LMO7: variants seen among roughly 807,000 people sequenced by gnomAD.
LMO7 encodes LIM domain only protein 7.
In LMO7, 120 loss-of-function variants were observed where a neutral mutation model predicts 206.5. The observed-to-expected ratio is 0.58, with a 90% CI of 0.50 to 0.68. The LOEUF (loss-of-function observed/expected upper bound fraction) is 0.68, where lower values mean the gene tolerates loss of function less well. Among genes scored for constraint, LMO7 ranks in the 30% least tolerant of loss-of-function variants. The pLI is 0.00. For missense variants in LMO7, 1,959 were observed against 1,957.9 expected (o/e 1.00, Z -0.01); for synonymous variants, 706 against 681.5 (o/e 1.04, Z -0.56).
At chr13:75,654,934 C>T (rs1395323815) in intron 1 of LMO7, among the ~76,000 whole-genome samples, 1 of 148,168 alleles carries the variant, frequency 6.7e-6, no homozygotes, top group East Asian at 2.0e-4. Flanking sequence ...TGCAGTGGTA[C>T]GATCTCGGCT....
At position 75,787,784 on chromosome 13, in the gene LMO7, T is replaced by G. The variant is rs146430332; in HGVS notation, c.318-7617T>G. 2.4e-3 allele frequency among the ~76,000 whole-genome samples: 370 copies of G among 152,346 alleles called. 3 individuals are homozygous for G. The highest frequency in any genetic ancestry group is 7.7e-3 in the African/African-American group (319 of 41,582). ...GGAGGTTGTCAAATGGAATGCAGCTTCATTTTTAGGAATGAAGGTGGGAGG... is the reference window on the plus strand; with the variant it reads ...GGAGGTTGTCAAATGGAATGCAGCTGCATTTTTAGGAATGAAGGTGGGAGG... On this transcript the variant is annotated intron_variant, in intron 4 of 30. Coordinates refer to ENST00000377534, the MANE Select transcript of LMO7 (RefSeq NM_001306080.2).
chr13:75,845,402 A>G, intron 26 of LMO7, 23 bp downstream of exon 26: 6 of 1,485,904 alleles, frequency 4.0e-6, no homozygotes, highest in Non-Finnish European at 4.7e-6. Context: ...TTTTCCCCCA[A>G]ACTCCTTCAG....
At chr13:75,750,581 G>GAC (rs2047198416) in intron 3 of LMO7, among the ~76,000 whole-genome samples, 1 of 151,952 alleles carries the variant, frequency 6.6e-6, no homozygotes, top group Non-Finnish European at 1.5e-5. Flanking sequence ...TTGGTAGAGA[G>GAC]ACAGGGTCTG....
intron 15 of LMO7, among the ~76,000 whole-genome samples, chr13:75,827,015 G>A (rs1035923065): frequency 9.9e-5 from 15 of 151,962 alleles, no homozygotes; most frequent in East Asian, 7.7e-4. Context: ...GGACCCCTTC[G>A]TTCATGAATC....
intron 2 of LMO7, among the ~76,000 whole-genome samples, chr13:75,714,365 C>T (rs1023608663): frequency 9.2e-5 from 14 of 152,196 alleles, no homozygotes; most frequent in East Asian, 5.8e-4. Flanking sequence ...TTTTTATAAA[C>T]GATCAAACTT....
rs1555286938 is a variant in LMO7, at chr13:75,647,951, C to CTTTCTTTT, written c.69+11228_69+11229insCTTTTTTT. ...GATTTTCTCTTGTTTTCTTTTCTTTCTTTTTTTTTTTTTTTTTTGAGACAG... is the reference window on the plus strand; with the variant it reads ...GATTTTCTCTTGTTTTCTTTTCTTTCTTTCTTTTTTTTTTTTTTTTTTTTTTGAGACAG... On this transcript the variant is annotated intron_variant, in intron 1 of 30. Transcript: ENST00000377534. Among the ~76,000 whole-genome samples, 57 of 91,140 alleles carry CTTTCTTTT rather than the reference C, an allele frequency of 6.3e-4. 1 individual carries two copies. Among genetic ancestry groups the CTTTCTTTT allele is most frequent in the African/African-American group, 1.3e-3 (33 of 24,686 alleles). 59.8% of individuals were successfully genotyped at this position (91,140 alleles called of 152,430 possible).
intron 11 of LMO7, among the ~76,000 whole-genome samples, chr13:75,816,087 G>A (rs556649130): frequency 5.6e-4 from 86 of 152,334 alleles, no homozygotes; most frequent in South Asian, 1.2e-3. Flanking sequence ...ATGAGTCAAA[G>A]GACGGACTGG....
In LMO7 at chr13:75,807,999, T is replaced by C. The variant is rs892300284; in HGVS notation, c.1716T>C (p.Asn572=). ...CATGCCCATCCAAAGAAAAAAGTAATAGCTGTAGAATATTAGTTCCTTCAT... is the reference window on the plus strand; with the variant it reads ...CATGCCCATCCAAAGAAAAAAGTAACAGCTGTAGAATATTAGTTCCTTCAT... ...ERTCPSKEKS[N]SCRILVPSYR... The change falls in exon 10 of 31, where the codon AAT becomes AAC. Residue 572 remains asparagine (N), a synonymous_variant. Coordinates refer to ENST00000377534, the MANE Select transcript of LMO7 (RefSeq NM_001306080.2). 1.2e-6 allele frequency: 2 copies of C among 1,613,700 alleles called. No homozygotes were observed. The highest frequency in any genetic ancestry group is 2.7e-5 in the African/African-American group (2 of 74,866).
At chr13:75,749,389 T>C (rs2047104737) in intron 3 of LMO7, among the ~76,000 whole-genome samples, 1 of 152,156 alleles carries the variant, frequency 6.6e-6, no homozygotes, top group Non-Finnish European at 1.5e-5. Flanking sequence ...TTCAGCACTT[T>C]GGAAAAAAAG....
At chr13:75,657,534 G>A (rs1042718037) in intron 1 of LMO7, among the ~76,000 whole-genome samples, 2 of 151,276 alleles carry the variant, frequency 1.3e-5, no homozygotes, top group Non-Finnish European at 3.0e-5. Context: ...AGAACTCTCA[G>A]ATAATATGAT....
intron 4 of LMO7, among the ~76,000 whole-genome samples, chr13:75,788,007 A>G (rs568403999): frequency 6.6e-6 from 1 of 152,362 alleles, no homozygotes; most frequent in Admixed American, 6.5e-5. Flanking sequence ...TTCCATTCAT[A>G]GAACAATAGA....
chr13:75,720,551 G>A (rs777968055), intron 2 of LMO7, among the ~76,000 whole-genome samples: 2 of 152,180 alleles, frequency 1.3e-5, no homozygotes, highest in South Asian at 2.1e-4. Context: ...TGCCTTTGAT[G>A]TGACATTGGG....
intron 1 of LMO7, among the ~76,000 whole-genome samples, chr13:75,678,405 T>C (rs1048024229): frequency 2.6e-5 from 4 of 152,364 alleles, no homozygotes; most frequent in African/African-American, 7.2e-5. Flanking sequence ...ATGAGCATTT[T>C]TTCATGTGTC....
chr13:75,738,197 G>T (rs1389079368), intron 3 of LMO7, among the ~76,000 whole-genome samples: 1 of 152,224 alleles, frequency 6.6e-6, no homozygotes, highest in Non-Finnish European at 1.5e-5. Context: ...GGTTTAAGCT[G>T]AGTTGTTACG....
chr13:75,851,281 CTG>C (rs891413263), intron 27 of LMO7, among the ~76,000 whole-genome samples: 82 of 152,318 alleles, frequency 5.4e-4, no homozygotes, highest in African/African-American at 1.9e-3. Flanking sequence ...TTATTGAAAA[CTG>C]TGTTGTGGAA....
chr13:75,815,911 G>C (rs1161031291), intron 11 of LMO7, among the ~76,000 whole-genome samples: 1 of 152,276 alleles, frequency 6.6e-6, no homozygotes, highest in East Asian at 1.9e-4. Flanking sequence ...AAGAGGAAAA[G>C]CAGGTTTGGG....
intron 2 of LMO7, among the ~76,000 whole-genome samples, chr13:75,717,118 C>T (rs1334601272): frequency 2.6e-5 from 4 of 152,026 alleles, no homozygotes; most frequent in African/African-American, 7.2e-5. Context: ...AATCCCTGCA[C>T]TTTGGGAGTC....
At chr13:75,782,329 C>T (rs1333774543) in intron 4 of LMO7, among the ~76,000 whole-genome samples, 3 of 152,160 alleles carry the variant, frequency 2.0e-5, no homozygotes, top group African/African-American at 4.8e-5. Context: ...TCCTCATATG[C>T]TGTGAATAGA....
intron 4 of LMO7, 29 bp from the exon 5 acceptor site, chr13:75,795,372 T>C: frequency 4.0e-6 from 6 of 1,483,528 alleles, no homozygotes; most frequent in Non-Finnish European, 5.6e-6. Context: ...TCACGGATAT[T>C]ACCTAATAGA....
Sources: allele counts gnomAD v4.1 joint callset (sites outside exome capture counted in the v4.1 genomes callset), GRCh38; gene constraint gnomAD v4.1.1; transcripts MANE v1.5; gene names NCBI Gene and HGNC (gene_info 2026-07-23, HGNC 2026-07-21).